Variants in GLUD1 observed in about 807,000 individuals in gnomAD.
GLUD1 encodes the protein glutamate dehydrogenase 1, also known as glutamate dehydrogenase 1, mitochondrial.
A neutral mutation model predicts 56.0 loss-of-function variants in GLUD1; 22 were observed. The ratio of observed to expected loss-of-function variants is 0.39; its 90% CI spans 0.28 to 0.56. GLUD1 has a LOEUF of 0.56. GLUD1 is among the 20% of genes least tolerant of loss of function. The pLI is 0.58. For synonymous variants in GLUD1, 223 were observed against 269.9 expected (o/e 0.83, Z 1.70); for missense variants, 451 against 732.0 (o/e 0.62, Z 4.43).
At position 87,051,478 on chromosome 10, in the gene GLUD1, AC is replaced by A; in HGVS notation, c.*272del. On this transcript the variant is annotated 3_prime_UTR_variant, in exon 13 of 13. Coordinates refer to ENST00000277865, the MANE Select transcript of GLUD1 (RefSeq NM_005271.5). ...GGGAAAAGCCACAGAGCAAGGCTGCACAGCCAGATAAAGGAGGCTTTTTATT... is the reference window on the plus strand; with the variant it reads ...GGGAAAAGCCACAGAGCAAGGCTGCAAGCCAGATAAAGGAGGCTTTTTATT... The A allele has an allele frequency of 2.1e-6, 1 of 482,822 alleles. No homozygotes were observed. Among genetic ancestry groups the A allele is most frequent in the East Asian group, 4.4e-5 (1 of 22,698 alleles). The allele number at this position is 482,822 out of a possible 1,614,324, so 29.9% of individuals were successfully genotyped here.
rs753448342 is a variant in GLUD1 at position 87,060,246 on chromosome 10, AAG to A, written c.1198-7_1198-6del. On this transcript the variant is annotated splice_polypyrimidine_tract_variant and splice_region_variant and intron_variant, in intron 8 of 12. Coordinates refer to ENST00000277865, the MANE Select transcript of GLUD1 (RefSeq NM_005271.5). ...ATTGGCACCTTCAGCAATGATCTGC[AAG>A]AGAGTCAGGAACATAGAGAAATGCG... 1.4e-5 allele frequency: 22 copies of A among 1,596,158 alleles called. No homozygotes were observed. The highest frequency in any genetic ancestry group is 3.3e-5 in the South Asian group (3 of 90,702).
At chr10:87,081,921 G>T (rs1414246871) in intron 1 of GLUD1, among the ~76,000 whole-genome samples, 2 of 109,288 alleles carry the variant, frequency 1.8e-5, no homozygotes, top group South Asian at 3.0e-4. Flanking sequence ...CCCCCTCTGT[G>T]AGAAACACCC....
chr10:87,053,883 G>A (rs953765752), intron 11 of GLUD1, among the ~76,000 whole-genome samples: 4 of 152,084 alleles, frequency 2.6e-5, no homozygotes, highest in African/African-American at 9.7e-5. Context: ...CTATTCAGTA[G>A]TGCCAGCAAC....
chr10:87,055,683 T>C (rs548737922), intron 11 of GLUD1, among the ~76,000 whole-genome samples: 19 of 152,170 alleles, frequency 1.2e-4, no homozygotes, highest in South Asian at 6.2e-4. Context: ...CTCTAGGAAA[T>C]AGGAAGTTTA....
intron 11 of GLUD1, among the ~76,000 whole-genome samples, chr10:87,055,285 C>T (rs946515969): frequency 2.0e-5 from 3 of 151,266 alleles, no homozygotes; most frequent in South Asian, 4.2e-4. Context: ...TGATGGAGCA[C>T]GGAATTTAAG....
intron 2 of GLUD1, 85 bp from the exon 3 acceptor site, chr10:87,076,108 C>T (rs771405307): frequency 5.0e-5 from 46 of 924,830 alleles, no homozygotes; most frequent in Non-Finnish European, 7.2e-5. Flanking sequence ...ATTAGAGAAA[C>T]GTGATGCTTT....
In GLUD1 at chr10:87,060,775, G is replaced by A. The variant is rs760430021; in HGVS notation, c.1110C>T (p.Ser370=). The A allele has an allele frequency of 1.1e-5, 17 of 1,614,192 alleles. 1 individual carries two copies. In the South Asian group the frequency reaches 1.9e-4, roughly 18 times the overall value. Residue 370 remains serine, a synonymous_variant, in exon 8 of 13, where the codon AGC becomes AGT. Coordinates refer to ENST00000277865, the MANE Select transcript of GLUD1 (RefSeq NM_005271.5). The part of the protein sequence containing the change: ...GFPKAKPYEG[S]ILEADCDILI... Reference sequence around the variant, plus strand: ...GTATGTCACAGTCGGCCTCCAAGATGCTTCCTTCATAGGGCTTTGCCTTGG... The same window carrying A: ...GTATGTCACAGTCGGCCTCCAAGATACTTCCTTCATAGGGCTTTGCCTTGG...
Position 87,060,613 on chromosome 10 carries a change from A to C in GLUD1, c.1197+75T>G, listed in dbSNP as rs1037881878. ...GCTGCTAAAAAGAAAGAGAAAACTC[A>C]ATCAGACTCTTCTATGACCCCCCTA... On this transcript the variant is annotated intron_variant, in intron 8 of 12. Transcript: ENST00000277865. 9.0e-6 allele frequency: 14 copies of C among 1,557,998 alleles called. No homozygotes were observed. The African/African-American group carries it at 1.8e-4, about 20-fold the overall frequency.
rs1262902598 is a variant in GLUD1, at chr10:87,094,398, G to A, written c.372C>T (p.Arg124=). Residue 124 remains arginine, a synonymous_variant, in exon 1 of 13, where the codon CGC becomes CGT. Transcript: ENST00000277865. This position sits in a 1 kb window ranked among gnomAD's most constrained non-coding sequence, Gnocchi z 6.6. ...CGATGACCTCCCAGGAGCCGTCGTC[G>A]CGCCGGATGGGGAAGGAGAGACTCA... ...HVLSLSFPIR[R]DDGSWEVIEG... The A allele has an allele frequency of 2.5e-6, 4 of 1,613,450 alleles. No homozygotes were observed. Among genetic ancestry groups the A allele is most frequent in the South Asian group, 2.2e-5 (2 of 91,050 alleles).
At chr10:87,056,484 G>A (rs904523983) in intron 11 of GLUD1, among the ~76,000 whole-genome samples, 20 of 151,894 alleles carry the variant, frequency 1.3e-4, no homozygotes, top group African/African-American at 2.9e-4. Flanking sequence ...TAGTAGAGAC[G>A]GAGTTTCACC....
intron 12 of GLUD1, among the ~76,000 whole-genome samples, chr10:87,052,379 T>C (rs758472166): frequency 1.1e-4 from 16 of 152,044 alleles, no homozygotes; most frequent in Non-Finnish European, 2.1e-4. Context: ...TCCCGGCTAC[T>C]CGGGAGACTG....
At chr10:87,071,623 T>A (rs765366600) in intron 4 of GLUD1, among the ~76,000 whole-genome samples, 2 of 152,132 alleles carry the variant, frequency 1.3e-5, no homozygotes, top group Non-Finnish European at 2.9e-5. Context: ...TATAAGGGGA[T>A]GAGAAGGGTG....
chr10:87,064,714 G>A (rs539947661), intron 5 of GLUD1, among the ~76,000 whole-genome samples: 9 of 152,370 alleles, frequency 5.9e-5, no homozygotes, highest in African/African-American at 2.2e-4. Context: ...GTGATTAATA[G>A]AATTAGTAGT....
intron 12 of GLUD1, 83 bp from the exon 13 acceptor site, chr10:87,051,953 G>A (rs1845642080): frequency 6.7e-7 from 1 of 1,499,668 alleles, no homozygotes; most frequent in Non-Finnish European, 9.3e-7. Context: ...GACAGGCCTG[G>A]TCCAAGTTAC....
At chr10:87,059,118 G>A (rs760369226) in intron 10 of GLUD1, 32 bp downstream of exon 10, 11 of 1,611,578 alleles carry the variant, frequency 6.8e-6, no homozygotes, top group South Asian at 5.5e-5. Context: ...CTCAAAAGAT[G>A]AGTTTTGGCG....
At chr10:87,073,047 T>C (rs544405828) in intron 4 of GLUD1, among the ~76,000 whole-genome samples, 2 of 152,308 alleles carry the variant, frequency 1.3e-5, no homozygotes. Context: ...TCTAGTCAAG[T>C]TTTAGAGTTA....
intron 1 of GLUD1, 68 bp from the exon 2 acceptor site, chr10:87,076,724 TA>T: frequency 6.7e-6 from 6 of 895,442 alleles, no homozygotes; most frequent in African/African-American, 3.3e-5. Context: ...AGAACAAACT[TA>T]AGTAAGCTTC....
chr10:87,081,955 A>G (rs1265097542), intron 1 of GLUD1, among the ~76,000 whole-genome samples: 1 of 151,414 alleles, frequency 6.6e-6, no homozygotes, highest in Non-Finnish European at 1.5e-5. Flanking sequence ...ACAAAAAAAA[A>G]AAAAAAAAGA....
chr10:87,063,892 T>G (rs1846001476), intron 5 of GLUD1, among the ~76,000 whole-genome samples: 1 of 152,004 alleles, frequency 6.6e-6, no homozygotes, highest in Non-Finnish European at 1.5e-5. Context: ...GTCTTTTTTT[T>G]TTTTGAGACG....
Sources: allele counts gnomAD v4.1 joint callset (sites outside exome capture counted in the v4.1 genomes callset), GRCh38; gene constraint gnomAD v4.1.1; non-coding constraint Gnocchi (gnomAD v3.1); transcripts MANE v1.5; gene names NCBI Gene and HGNC (gene_info 2026-07-23, HGNC 2026-07-21).